Variants in PLCH1 observed in about 807,000 individuals in gnomAD.
PLCH1 encodes phospholipase C eta 1.
In PLCH1, 60 loss-of-function variants were observed where a neutral mutation model predicts 126.7. That is an observed-to-expected ratio of 0.47 (90% CI 0.38 to 0.59). The LOEUF (loss-of-function observed/expected upper bound fraction) is 0.59. PLCH1 is among the 20% of genes least tolerant of loss of function. PLCH1 has a pLI of 0.00. For missense variants in PLCH1, 1,723 were observed against 2,040.0 expected (o/e 0.84, Z 2.99); for synonymous variants, 719 against 734.9 (o/e 0.98, Z 0.35).
chr3:155,681,490 A>C (rs186140263), intron 2 of PLCH1, among the ~76,000 whole-genome samples: 2 of 152,326 alleles, frequency 1.3e-5, no homozygotes, highest in East Asian at 3.9e-4. Flanking sequence ...TGGGCTTTGA[A>C]TCTCCACAGA....
intron 1 of PLCH1, among the ~76,000 whole-genome samples, chr3:155,720,461 T>A (rs893116561): frequency 6.6e-6 from 1 of 152,238 alleles, no homozygotes; most frequent in South Asian, 2.1e-4. Flanking sequence ...TGCATTTCCC[T>A]GATCATTAGT....
intron 1 of PLCH1, chr3:155,743,183 G>C (rs11922468): frequency 4.2e-5 from 18 of 432,414 alleles, no homozygotes; most frequent in Non-Finnish European, 7.3e-5. Flanking sequence ...GTAAACAAAC[G>C]GATTTTAAAA....
At chr3:155,499,071 A>G (rs1172174578) in intron 14 of PLCH1, among the ~76,000 whole-genome samples, 12 of 152,230 alleles carry the variant, frequency 7.9e-5, no homozygotes, top group Admixed American at 5.2e-4. Context: ...CAGAAATAAC[A>G]TGTGTTATTG....
chr3:155,702,781 A>G (rs551116396), intron 2 of PLCH1, among the ~76,000 whole-genome samples: 1 of 152,354 alleles, frequency 6.6e-6, no homozygotes, highest in Non-Finnish European at 1.5e-5. Flanking sequence ...TTCTATTATC[A>G]TATTTACTAT....
chr3:155,732,352 T>C (rs563037489), intron 1 of PLCH1, among the ~76,000 whole-genome samples: 80 of 151,922 alleles, frequency 5.3e-4, no homozygotes, highest in African/African-American at 1.9e-3. Flanking sequence ...GAAAATATTA[T>C]ATATAGAAAA....
chr3:155,705,395 C>T (rs1468384749), intron 1 of PLCH1, among the ~76,000 whole-genome samples: 3 of 152,246 alleles, frequency 2.0e-5, no homozygotes, highest in Non-Finnish European at 2.9e-5. Flanking sequence ...GGACTGGCCA[C>T]TTCCTCTTGC....
rs755277131 is a variant in PLCH1, at chr3:155,482,435, C to A, written c.3591G>T (p.Glu1197Asp). ...SISALIGQFD[E>D]TNNQALTVVS... is the part of the protein sequence containing the mutation. ...CAACTGTGAGAGCCTGATTGTTGGT[C>A]TCATCAAACTGGCCAATCAGGGCTG... Residue 1197 changes from glutamate (E) to aspartate (D), a missense_variant, in exon 23 of 23, where the codon GAG (glutamate) becomes GAT (aspartate). Coordinates refer to ENST00000460012, the MANE Select transcript of PLCH1 (RefSeq NM_014996.4). 18 of 1,614,028 alleles carry A rather than the reference C, an allele frequency of 1.1e-5. No individual in the cohort carries two copies. In the Admixed American group the frequency reaches 3.0e-4, roughly 27 times the overall value.
intron 2 of PLCH1, among the ~76,000 whole-genome samples, chr3:155,672,601 T>G (rs889692698): frequency 1.3e-5 from 2 of 152,212 alleles, no homozygotes; most frequent in Admixed American, 6.5e-5. Context: ...GAAATCATTT[T>G]TTGTTTGCCA....
intron 1 of PLCH1, among the ~76,000 whole-genome samples, chr3:155,711,710 T>C (rs1747135807): frequency 6.6e-6 from 1 of 152,170 alleles, no homozygotes; most frequent in African/African-American, 2.4e-5. Flanking sequence ...GCATGTGGCT[T>C]AGGTTGCAAA....
chr3:155,605,752 T>G (rs1469823669), intron 2 of PLCH1, among the ~76,000 whole-genome samples: 3 of 152,220 alleles, frequency 2.0e-5, no homozygotes, highest in African/African-American at 7.2e-5. Context: ...GTCTGTTGTT[T>G]GTGTGACCTT....
chr3:155,604,137 T>G (rs1000160398), intron 2 of PLCH1, among the ~76,000 whole-genome samples: 1 of 152,024 alleles, frequency 6.6e-6, no homozygotes, highest in South Asian at 2.1e-4. Flanking sequence ...GAAGCCATTA[T>G]CTGTGAAGAG....
At chr3:155,606,745 G>A (rs1471964294) in intron 2 of PLCH1, among the ~76,000 whole-genome samples, 1 of 152,172 alleles carries the variant, frequency 6.6e-6, no homozygotes, top group Non-Finnish European at 1.5e-5. Context: ...CCATTGGGTT[G>A]CCCACCAGCC....
In PLCH1 at chr3:155,485,702, T is replaced by A; in HGVS notation, c.2628A>T (p.Gln876His). 6.3e-7 allele frequency: 1 copy of A among 1,592,084 alleles called. No homozygotes were observed. Among genetic ancestry groups the A allele is most frequent in the Non-Finnish European group, 8.5e-7 (1 of 1,172,960 alleles). Residue 876 changes from glutamine to histidine, a missense_variant, in exon 22 of 23, where the codon CAA (glutamine) becomes CAT (histidine). Gln to His is a conservative substitution (Grantham distance 24). Coordinates refer to ENST00000460012, the MANE Select transcript of PLCH1 (RefSeq NM_014996.4). ...TINEIYGKNR[Q>H]LQGLKGLFNK... is the part of the protein sequence containing the mutation. Reference sequence around the variant, plus strand: ...TGAACAGTCCCTTCAGACCCTGGAGTTGTCTGTTCTGAAGACACAAAAGAA... The same window carrying A: ...TGAACAGTCCCTTCAGACCCTGGAGATGTCTGTTCTGAAGACACAAAAGAA...
rs1048205007 is a variant in PLCH1 at position 155,548,729 on chromosome 3, A to G, written c.1362+1058T>C. On this transcript the variant is annotated intron_variant, in intron 10 of 22. Coordinates refer to ENST00000460012, the MANE Select transcript of PLCH1 (RefSeq NM_014996.4). ...ACTTGGGCAAATTGGCCTTCATGTTATCTCTTGCATTATGTGGAGCTTTTA... is the reference window on the plus strand; with the variant it reads ...ACTTGGGCAAATTGGCCTTCATGTTGTCTCTTGCATTATGTGGAGCTTTTA... 2.6e-5 allele frequency among the ~76,000 whole-genome samples: 4 copies of G among 152,322 alleles called. No individual in the cohort carries two copies. In the East Asian group the frequency reaches 7.7e-4, roughly 29 times the overall value.
intron 2 of PLCH1, among the ~76,000 whole-genome samples, chr3:155,675,735 A>G (rs1310124290): frequency 1.3e-5 from 2 of 152,206 alleles, no homozygotes; most frequent in African/African-American, 4.8e-5. Context: ...TTATTTTCTC[A>G]CTGACCATTT....
chr3:155,676,667 A>T (rs553586854), intron 2 of PLCH1, among the ~76,000 whole-genome samples: 1 of 152,336 alleles, frequency 6.6e-6, no homozygotes, highest in South Asian at 2.1e-4. Flanking sequence ...CTTTTGTGCA[A>T]GTCAGGTTAA....
chr3:155,642,512 G>A (rs899829348), intron 2 of PLCH1, among the ~76,000 whole-genome samples: 3 of 152,206 alleles, frequency 2.0e-5, no homozygotes, highest in Non-Finnish European at 4.4e-5. Flanking sequence ...AGTTCCAAAA[G>A]AGATTAGCAT....
At chr3:155,718,805 G>GAACA (rs1445337733) in intron 1 of PLCH1, among the ~76,000 whole-genome samples, 2 of 151,982 alleles carry the variant, frequency 1.3e-5, no homozygotes, top group Non-Finnish European at 2.9e-5. Flanking sequence ...TATTTGGCAG[G>GAACA]AACATATATT....
chr3:155,485,451 G>T lies in PLCH1; in HGVS notation c.2879C>A (p.Pro960His), dbSNP rs1434567390. The T allele has an allele frequency of 1.9e-6, 3 of 1,613,980 alleles. No homozygotes were observed. The highest frequency in any genetic ancestry group is 1.3e-5 in the African/African-American group (1 of 74,930). The change falls in exon 22 of 23, where the codon CCT (proline) becomes CAT (histidine). Residue 960 changes from proline (P) to histidine (H), a missense_variant. Physicochemically the swap from Pro to His is moderately conservative, Grantham distance 77 (BLOSUM62 -2). Coordinates refer to ENST00000460012, the MANE Select transcript of PLCH1 (RefSeq NM_014996.4). The part of the protein sequence containing the change: ...RRTTRSLQAR[P>H]VSMPVDRNLL... Reference sequence around the variant, plus strand: ...GTTTCTGTCAACAGGCATAGAGACAGGGCGTGCTTGCAAACTGCGTGTGGT... The same window carrying T: ...GTTTCTGTCAACAGGCATAGAGACATGGCGTGCTTGCAAACTGCGTGTGGT...
Sources: gnomAD v4.1 joint callset for allele counts (sites outside exome capture counted in the v4.1 genomes callset) on GRCh38, gnomAD v4.1.1 for gene constraint, MANE v1.5 for transcripts, NCBI Gene and HGNC (gene_info 2026-07-23, HGNC 2026-07-21) for gene names.